EDNRA: variants seen among roughly 807,000 people sequenced by gnomAD.
EDNRA encodes endothelin receptor type A, also known as endothelin-1 receptor.
A neutral mutation model predicts 41.4 loss-of-function variants in EDNRA; 11 were observed. That is an observed-to-expected ratio of 0.27 (90% CI 0.17 to 0.44). The LOEUF (loss-of-function observed/expected upper bound fraction) is 0.44, where lower values mean the gene tolerates loss of function less well. Ranked by LOEUF, EDNRA falls within the 20% of genes least tolerant of loss-of-function variation. The pLI, the probability that EDNRA is intolerant of heterozygous loss-of-function variation, is 1.00. For missense variants in EDNRA, 294 were observed against 531.0 expected (o/e 0.55, Z 4.39); for synonymous variants, 172 against 183.0 (o/e 0.94, Z 0.49).
intron 2 of EDNRA, among the ~76,000 whole-genome samples, chr4:147,505,375 T>A (rs1337316269): frequency 7.4e-6 from 1 of 134,770 alleles, no homozygotes; most frequent in Non-Finnish European, 1.5e-5. Context: ...GTTGCGCTCT[T>A]GTTGCCCAGG....
At position 147,486,041 on chromosome 4, in the gene EDNRA, C is replaced by T. The variant is rs937618329; in HGVS notation, c.360C>T (p.Ala120=). The change falls in exon 2 of 8, where the codon GCC becomes GCT. Residue 120 remains alanine (A), a synonymous_variant. Coordinates refer to ENST00000651419, the MANE Select transcript of EDNRA (RefSeq NM_001957.4). The surrounding 1 kb of genome is among the most constrained non-coding windows in gnomAD (Gnocchi z 4.3). The part of the protein sequence containing the change: ...CMRNGPNALI[A]SLALGDLIYV... ...GGAATGGCCCCAACGCGCTGATAGC[C>T]AGTCTTGCCCTTGGAGACCTTATCT... 3 of 1,614,090 alleles carry T rather than the reference C, an allele frequency of 1.9e-6. No homozygotes were observed. Among genetic ancestry groups the T allele is most frequent in the Non-Finnish European group, 2.5e-6 (3 of 1,180,024 alleles).
chr4:147,501,829 C>A (rs1729525845), intron 2 of EDNRA, among the ~76,000 whole-genome samples: 1 of 152,160 alleles, frequency 6.6e-6, no homozygotes. Flanking sequence ...ATATGCATGT[C>A]ATGTTTATAT....
At chr4:147,517,467 G>T (rs4835411) in intron 2 of EDNRA, among the ~76,000 whole-genome samples, 2 of 152,116 alleles carry the variant, frequency 1.3e-5, no homozygotes, top group East Asian at 3.9e-4. Context: ...GGAAAAGAGG[G>T]GGACGTTGCC....
intron 3 of EDNRA, among the ~76,000 whole-genome samples, chr4:147,529,091 G>T (rs1730660592): frequency 6.6e-6 from 1 of 152,238 alleles, no homozygotes; most frequent in South Asian, 2.1e-4. Context: ...GTGAAAAGTG[G>T]TTGCATTTGG....
At chr4:147,530,473 T>G (rs960931318) in intron 3 of EDNRA, among the ~76,000 whole-genome samples, 3 of 152,358 alleles carry the variant, frequency 2.0e-5, no homozygotes, top group African/African-American at 7.2e-5. Flanking sequence ...AAGGATTTTC[T>G]TGGTCTGTTT....
intron 5 of EDNRA, among the ~76,000 whole-genome samples, chr4:147,539,383 A>G (rs941248348): frequency 6.6e-6 from 1 of 151,872 alleles, no homozygotes; most frequent in Non-Finnish European, 1.5e-5. Context: ...CCATGCCATC[A>G]TTAATGCTAA....
chr4:147,520,026 T>C (rs200130764), intron 3 of EDNRA, 48 bp downstream of exon 3: 23 of 1,561,888 alleles, frequency 1.5e-5, no homozygotes, highest in East Asian at 2.3e-5. Flanking sequence ...TAGAAAAGCA[T>C]TTTTCTCAAA....
intron 2 of EDNRA, chr4:147,506,404 T>C (rs1342496066): frequency 2.5e-6 from 1 of 399,706 alleles, no homozygotes. Flanking sequence ...TACATGAGAT[T>C]AAAAAGATTG....
intron 1 of EDNRA, among the ~76,000 whole-genome samples, chr4:147,483,497 C>G (rs1220975987): frequency 6.6e-6 from 1 of 152,048 alleles, no homozygotes; most frequent in African/African-American, 2.4e-5. Flanking sequence ...TTTCAGAGTT[C>G]AGGGGGAAAT....
At chr4:147,536,636 T>C (rs1578816322) in intron 5 of EDNRA, among the ~76,000 whole-genome samples, 1 of 152,130 alleles carries the variant, frequency 6.6e-6, no homozygotes, top group East Asian at 1.9e-4. Context: ...ATTTGGGGAA[T>C]GGGAAAAAGG....
chr4:147,514,318 A>C (rs760493450), intron 2 of EDNRA, among the ~76,000 whole-genome samples: 8 of 152,090 alleles, frequency 5.3e-5, no homozygotes, highest in Non-Finnish European at 1.0e-4. Context: ...GAACAGCCTT[A>C]TTTTGTAGTG....
rs1361820070 is a variant in EDNRA at position 147,486,911 on chromosome 4, A to G, written c.420+810A>G. Among the ~76,000 whole-genome samples the G allele has an allele frequency of 6.6e-6, 1 of 152,110 alleles. No homozygotes were observed. The highest frequency in any genetic ancestry group is 1.5e-5 in the Non-Finnish European group (1 of 68,024). On this transcript the variant is annotated intron_variant, in intron 2 of 7. Transcript: ENST00000651419. The surrounding 1 kb of genome is among the most constrained non-coding windows in gnomAD (Gnocchi z 4.3). ...TTTCTACATTGCTATTAAAAAAAAA[A>G]AAAAAAGGCTGGGTAATTTATAAAG...
At chr4:147,512,449 C>T (rs140983080) in intron 2 of EDNRA, among the ~76,000 whole-genome samples, 31 of 152,246 alleles carry the variant, frequency 2.0e-4, no homozygotes, top group Admixed American at 7.2e-4. Flanking sequence ...ACTGAAACAC[C>T]GAATATTCAG....
chr4:147,518,917 G>C (rs946168626), intron 2 of EDNRA, among the ~76,000 whole-genome samples: 2 of 152,178 alleles, frequency 1.3e-5, no homozygotes, highest in Non-Finnish European at 2.9e-5. Flanking sequence ...CTTTTAGGTA[G>C]CTGAGCTATT....
rs1409633115 is a variant in EDNRA, at chr4:147,519,895, A to G, written c.465A>G (p.Val155=). Reference sequence around the variant, plus strand: ...CTTTTGATCACAATGACTTTGGCGTATTTCTTTGCAAGCTGTTCCCCTTTT... The same window carrying G: ...CTTTTGATCACAATGACTTTGGCGTGTTTCTTTGCAAGCTGTTCCCCTTTT... ...RWPFDHNDFG[V]FLCKLFPFLQ... The change falls in exon 3 of 8, where the codon GTA becomes GTG. Residue 155 remains valine, a synonymous_variant. Coordinates refer to ENST00000651419, the MANE Select transcript of EDNRA (RefSeq NM_001957.4). This position sits in a 1 kb window ranked among gnomAD's most constrained non-coding sequence, Gnocchi z 4.1. 6.2e-7 allele frequency: 1 copy of G among 1,613,452 alleles called. No homozygotes were observed. Among genetic ancestry groups the G allele is most frequent in the African/African-American group, 1.3e-5 (1 of 74,948 alleles).
intron 1 of EDNRA, among the ~76,000 whole-genome samples, chr4:147,484,737 C>A (rs1333106034): frequency 1.3e-5 from 2 of 152,168 alleles, no homozygotes; most frequent in African/African-American, 4.8e-5. Flanking sequence ...CATTCATCGG[C>A]AAATACCGTA....
At chr4:147,516,556 T>C (rs1232192430) in intron 2 of EDNRA, among the ~76,000 whole-genome samples, 1 of 152,238 alleles carries the variant, frequency 6.6e-6, no homozygotes, top group Non-Finnish European at 1.5e-5. Flanking sequence ...TGCTAGGTAC[T>C]GTGTAATGTC....
intron 2 of EDNRA, among the ~76,000 whole-genome samples, chr4:147,518,336 G>A (rs575801458): frequency 6.6e-6 from 1 of 152,300 alleles, no homozygotes; most frequent in Admixed American, 6.5e-5. Flanking sequence ...CAGTGTTTGT[G>A]CAAAGAGTTT....
intron 2 of EDNRA, among the ~76,000 whole-genome samples, chr4:147,518,551 A>G (rs1730199875): frequency 6.6e-6 from 1 of 152,222 alleles, no homozygotes; most frequent in Non-Finnish European, 1.5e-5. Context: ...GTCTTAGCCA[A>G]AAATCACAGA....
Sources: gnomAD v4.1 joint callset for allele counts (sites outside exome capture counted in the v4.1 genomes callset) on GRCh38, gnomAD v4.1.1 for gene constraint, Gnocchi (gnomAD v3.1) non-coding constraint, MANE v1.5 for transcripts, NCBI Gene and HGNC (gene_info 2026-07-23, HGNC 2026-07-21) for gene names.